MED18: variants seen among roughly 807,000 people sequenced by gnomAD.
MED18 encodes mediator complex subunit 18, also known as mediator of RNA polymerase II transcription subunit 18.
MED18 carries 10 observed loss-of-function variants against 13.9 expected under a neutral mutation model. The observed-to-expected ratio is 0.72, with a 90% CI of 0.44 to 1.22. The LOEUF (loss-of-function observed/expected upper bound fraction) is 1.22, where lower values mean the gene tolerates loss of function less well. Ranked by LOEUF, MED18 falls within the 50% of genes most tolerant of loss-of-function variation. MED18 has a pLI of 0.00. For synonymous variants in MED18, 88 were observed against 93.2 expected (o/e 0.94, Z 0.32); for missense variants, 216 against 279.0 (o/e 0.77, Z 1.61).
At chr1:28,334,325 T>G in intron 2 of MED18, 92 bp from the exon 3 acceptor site, 1 of 1,361,188 alleles carries the variant, frequency 7.3e-7, no homozygotes, top group Non-Finnish European at 1.0e-6. Flanking sequence ...CACTAAACTG[T>G]TTTGGTTTTT....
intron 1 of MED18, 104 bp from the exon 2 acceptor site, chr1:28,330,493 C>CA (rs1649682540): frequency 2.0e-6 from 1 of 502,604 alleles, no homozygotes. Flanking sequence ...AGGAAATACT[C>CA]AAACGTTTTT....
Position 28,330,732 on chromosome 1 carries a change from C to T in MED18, c.70C>T (p.Gln24Ter). 1 of 1,596,486 alleles carries T rather than the reference C, an allele frequency of 6.3e-7. No homozygotes were observed. The highest frequency in any genetic ancestry group is 8.5e-7 in the Non-Finnish European group (1 of 1,172,988). The stretch of plus-strand genomic sequence containing the variant: ...CATTAACATGATGGAGTACCTGTTG[C>T]AGGGTAAGTGAACTAGGGAACTTGG... Reference protein sequence around the residue: ...GTINMMEYLLQGSVLDHSLES... With the variant: ...GTINMMEYLL The change falls in exon 2 of 3, where the codon CAG (glutamine) becomes TAG (stop). Residue 24 changes from glutamine to a stop codon, truncating the protein, a stop_gained. Transcript: ENST00000373842. LOFTEE classifies it high-confidence loss of function.
At chr1:28,334,393 C>T (rs1485050951) in intron 2 of MED18, 24 bp from the exon 3 acceptor site, 3 of 1,600,620 alleles carry the variant, frequency 1.9e-6, no homozygotes, top group Non-Finnish European at 2.6e-6. Flanking sequence ...AGACAGGACT[C>T]AGTGGTGCTT....
In MED18 at chr1:28,335,324, G is replaced by A. The variant is rs369258343; in HGVS notation, c.*354G>A. On this transcript the variant is annotated 3_prime_UTR_variant, in exon 3 of 3. Transcript: ENST00000373842. The stretch of plus-strand genomic sequence containing the variant: ...CAAAGTGCTGGGATTACAGGCATGA[G>A]CCACCACGCCTGGCCAAAAAAATAT... 1.0e-4 allele frequency: 21 copies of A among 210,406 alleles called. No homozygotes were observed. In the East Asian group the frequency reaches 2.4e-3, roughly 24 times the overall value. The allele number at this position is 210,406 out of a possible 1,614,324, so 13.0% of individuals were successfully genotyped here.
chr1:28,329,475 C>T (rs1356756108), intron 1 of MED18, among the ~76,000 whole-genome samples: 1 of 151,868 alleles, frequency 6.6e-6, no homozygotes, highest in African/African-American at 2.4e-5. Flanking sequence ...TTAGTAGAGT[C>T]GGGGTTTCTT....
At chr1:28,331,486 C>T (rs1434838355) in intron 2 of MED18, among the ~76,000 whole-genome samples, 1 of 151,904 alleles carries the variant, frequency 6.6e-6, no homozygotes, top group Non-Finnish European at 1.5e-5. Context: ...TGCATCACCA[C>T]GCCCAGCTAA....
rs867726365 is a variant in MED18 at position 28,334,739 on chromosome 1, G to C, written c.396G>C (p.Lys132Asn). The C allele has an allele frequency of 6.2e-7, 1 of 1,614,208 alleles. No homozygotes were observed. The part of the protein sequence containing the change: ...GFRMDHEFVA[K>N]GHLFRKGIMK... ...GCATGGACCATGAGTTTGTTGCTAA[G>C]GGACATTTGTTCCGTAAGGGCATCA... The change falls in exon 3 of 3, where the codon AAG becomes AAC. Residue 132 changes from lysine (K) to asparagine (N), a missense_variant. Physicochemically the swap from Lys to Asn is moderately conservative, Grantham distance 94. Transcript: ENST00000373842.
rs771097148 is a variant in MED18 at position 28,334,647 on chromosome 1, G to A, written c.304G>A (p.Val102Met). ...GGGAGACAAGAACCGCCATGCCCTG[G>A]TGCGAAACTGCGTGGACATTGCCAC... ...EMGDKNRHAL[V>M]RNCVDIATSE... Residue 102 changes from valine to methionine, a missense_variant, in exon 3 of 3, where the codon GTG becomes ATG. Val to Met is a conservative substitution (Grantham distance 21). Coordinates refer to ENST00000373842, the MANE Select transcript of MED18 (RefSeq NM_017638.3). The A allele has an allele frequency of 3.1e-5, 50 of 1,614,086 alleles. No homozygotes were observed. Among genetic ancestry groups the A allele is most frequent in the Middle Eastern group, 3.3e-4 (2 of 6,084 alleles).
Position 28,335,318 on chromosome 1 carries a change from GCA to G in MED18, c.*349_*350del. ...GCCTCCCAAAGTGCTGGGATTACAG[GCA>G]TGAGCCACCACGCCTGGCCAAAAAA... On this transcript the variant is annotated 3_prime_UTR_variant, in exon 3 of 3. Transcript: ENST00000373842. 4.5e-6 allele frequency: 1 copy of G among 222,734 alleles called. No homozygotes were observed. The highest frequency in any genetic ancestry group is 9.0e-6 in the Non-Finnish European group (1 of 111,362). The allele number at this position is 222,734 out of a possible 1,614,324, so 13.8% of individuals were successfully genotyped here.
intron 2 of MED18, among the ~76,000 whole-genome samples, chr1:28,330,954 A>C (rs1285987406): frequency 6.6e-5 from 10 of 152,146 alleles, no homozygotes; most frequent in African/African-American, 2.4e-4. Flanking sequence ...GCACTTTGGG[A>C]GGCCGAGGTG....
At chr1:28,329,814 A>G (rs912707715) in intron 1 of MED18, among the ~76,000 whole-genome samples, 8 of 152,220 alleles carry the variant, frequency 5.3e-5, no homozygotes, top group Admixed American at 2.0e-4. Context: ...AGTTTGGTCC[A>G]AACTCTGCTA....
At position 28,335,235 on chromosome 1, in the gene MED18, A is replaced by T. The variant is rs995001837; in HGVS notation, c.*265A>T. ...TTTTGTATTTTTAGTAGAAATGGGG[A>T]TTCACCATGTTGGTCAGGCTATTCT... On this transcript the variant is annotated 3_prime_UTR_variant, in exon 3 of 3. Transcript: ENST00000373842. 2.7e-6 allele frequency: 1 copy of T among 375,250 alleles called. No homozygotes were observed. The highest frequency in any genetic ancestry group is 4.9e-6 in the Non-Finnish European group (1 of 203,700). The allele number at this position is 375,250 out of a possible 1,614,324, so 23.2% of individuals were successfully genotyped here.
Position 28,334,893 on chromosome 1 carries a change from G to A in MED18, c.550G>A (p.Asp184Asn). ...ACCCGCTGGGCAGGACATGGTCTCT[G>A]ATGACATGAAGAACTTCGCAGAACA... ...VAPAGQDMVS[D>N]DMKNFAEQLK... is the part of the protein sequence containing the mutation. The change falls in exon 3 of 3, where the codon GAT (aspartate) becomes AAT (asparagine). Residue 184 changes from aspartate to asparagine, a missense_variant. Physicochemically the swap from Asp to Asn is conservative, Grantham distance 23. Coordinates refer to ENST00000373842, the MANE Select transcript of MED18 (RefSeq NM_017638.3). 6.2e-7 allele frequency: 1 copy of A among 1,614,142 alleles called. No individual in the cohort carries two copies. Among genetic ancestry groups the A allele is most frequent in the Non-Finnish European group, 8.5e-7 (1 of 1,180,026 alleles).
rs1649899762 is a variant in MED18 at position 28,335,161 on chromosome 1, C to T, written c.*191C>T. On this transcript the variant is annotated 3_prime_UTR_variant, in exon 3 of 3. Coordinates refer to ENST00000373842, the MANE Select transcript of MED18 (RefSeq NM_017638.3). The stretch of plus-strand genomic sequence containing the variant: ...GGTTCAAGCAATTCTCCCACCTCAG[C>T]CTCCTGAGTAGCTGGGATTACAGGC... 1.8e-6 allele frequency: 1 copy of T among 563,708 alleles called. No homozygotes were observed. Among genetic ancestry groups the T allele is most frequent in the Non-Finnish European group, 3.1e-6 (1 of 319,820 alleles). The allele number at this position is 563,708 out of a possible 1,614,324, so 34.9% of individuals were successfully genotyped here.
intron 1 of MED18, among the ~76,000 whole-genome samples, chr1:28,329,889 G>A (rs931658992): frequency 2.0e-5 from 3 of 152,116 alleles, no homozygotes; most frequent in African/African-American, 7.2e-5. Flanking sequence ...ATAAAACGAA[G>A]GTCCCTTAAG....
Position 28,329,407 on chromosome 1 carries a change from T to C in MED18, c.-67+227T>C, listed in dbSNP as rs1557752392. ...TTCAAGCGATTCTCCTGCCTCAGCC[T>C]CCTGAGGAGCTGGGATTACAGGCGC... On this transcript the variant is annotated intron_variant, in intron 1 of 2. Transcript: ENST00000373842. Among the ~76,000 whole-genome samples the C allele has an allele frequency of 2.0e-5, 3 of 148,492 alleles. No individual in the cohort carries two copies. The Admixed American group carries it at 2.1e-4, about 10-fold the overall frequency.
intron 1 of MED18, 53 bp from the exon 2 acceptor site, chr1:28,330,544 G>C: frequency 1.5e-6 from 1 of 687,694 alleles, no homozygotes; most frequent in Non-Finnish European, 2.4e-6. Flanking sequence ...TGCCACAACA[G>C]ATCTGGTCTC....
chr1:28,330,627 T>A lies in MED18; in HGVS notation c.-36T>A, dbSNP rs370573280. On this transcript the variant is annotated 5_prime_UTR_variant, in exon 2 of 3. Transcript: ENST00000373842. ...TCCCGTGCCTTACCTGACTGGGGGC[T>A]CTGAGTCCAGTTGTGTTGTCTTCAA... 1 of 1,573,904 alleles carries A rather than the reference T, an allele frequency of 6.4e-7. No homozygotes were observed. The highest frequency in any genetic ancestry group is 2.3e-5 in the East Asian group (1 of 43,628).
In MED18 at chr1:28,335,018, A is replaced by C. The variant is rs757674767; in HGVS notation, c.*48A>C. The C allele has an allele frequency of 1.1e-5, 16 of 1,502,386 alleles. No individual in the cohort carries two copies. The highest frequency in any genetic ancestry group is 4.4e-5 in the Admixed American group (2 of 45,468). 93.1% of individuals were successfully genotyped at this position (1,502,386 alleles called of 1,614,324 possible). ...GGGGCCTATCCTTACTTGTTTGAAA[A>C]AATATGTTTGCTTTTTTTGGTTTTT... On this transcript the variant is annotated 3_prime_UTR_variant, in exon 3 of 3. Transcript: ENST00000373842.
Sources: gnomAD v4.1 joint callset for allele counts (sites outside exome capture counted in the v4.1 genomes callset) on GRCh38, gnomAD v4.1.1 for gene constraint, MANE v1.5 for transcripts, NCBI Gene and HGNC (gene_info 2026-07-23, HGNC 2026-07-21) for gene names.